Variants in IL1RAPL1 observed in about 807,000 individuals in gnomAD.
IL1RAPL1 encodes interleukin-1 receptor accessory protein-like 1.
In IL1RAPL1, 3 loss-of-function variants were observed where a neutral mutation model predicts 48.4. The observed-to-expected ratio is 0.06, with a 90% confidence interval of 0.03 to 0.16. The LOEUF is 0.16. IL1RAPL1 is among the 10% of genes least tolerant of loss of function. The pLI, the probability that IL1RAPL1 is intolerant of heterozygous loss-of-function variation, is 1.00. For missense variants in IL1RAPL1, 349 were observed against 530.6 expected, an observed-to-expected ratio of 0.66 and a Z score of 3.36; for synonymous variants, 185 against 187.7, an observed-to-expected ratio of 0.99 and a Z score of 0.12.
chrX:29,090,916 A>G (rs1602052417), intron 2 of IL1RAPL1, among the ~76,000 whole-genome samples: 1 of 111,967 alleles, frequency 8.9e-6, no homozygotes, highest in African/African-American at 3.2e-5. Context: ...CAAACGATTT[A>G]TATAAAGATG....
At chrX:28,955,111 G>C (rs1221751760) in intron 2 of IL1RAPL1, among the ~76,000 whole-genome samples, 1 of 111,328 alleles carries the variant, frequency 9.0e-6, no homozygotes, top group Non-Finnish European at 1.9e-5. Flanking sequence ...TTGGGGCTCT[G>C]GGTGCACTGG....
intron 1 of IL1RAPL1, among the ~76,000 whole-genome samples, chrX:28,654,734 T>C (rs1934731196): frequency 8.9e-6 from 1 of 112,074 alleles, no homozygotes; most frequent in Non-Finnish European, 1.9e-5. Context: ...ATGTTTGCCA[T>C]ATTTAGATGT....
chrX:29,480,912 G>C (rs1935036105), intron 5 of IL1RAPL1, among the ~76,000 whole-genome samples: 1 of 111,105 alleles, frequency 9.0e-6, no homozygotes, highest in South Asian at 3.7e-4. Flanking sequence ...TCTTTTACTT[G>C]TTCTAGCAGC....
At chrX:29,933,026 T>G (rs1932972567) in intron 8 of IL1RAPL1, among the ~76,000 whole-genome samples, 1 of 111,989 alleles carries the variant, frequency 8.9e-6, no homozygotes, top group African/African-American at 3.2e-5. Flanking sequence ...ACAAACATTC[T>G]TAGTTCTGTA....
chrX:29,575,069 C>T (rs936983908), intron 5 of IL1RAPL1, among the ~76,000 whole-genome samples: 4 of 111,732 alleles, frequency 3.6e-5, no homozygotes, highest in African/African-American at 1.3e-4. Context: ...ATCTTTCCCT[C>T]AGCTTCCCAT....
At chrX:28,947,005 T>C (rs1381524723) in intron 2 of IL1RAPL1, among the ~76,000 whole-genome samples, 1 of 111,738 alleles carries the variant, frequency 8.9e-6, no homozygotes, top group Non-Finnish European at 1.9e-5. Flanking sequence ...TTTGACAAAT[T>C]TGTGTCTGCA....
chrX:29,872,817 T>C (rs753068312), intron 6 of IL1RAPL1, among the ~76,000 whole-genome samples: 1 of 112,582 alleles, frequency 8.9e-6, no homozygotes, highest in African/African-American at 3.2e-5. Flanking sequence ...CTCTGCTGGA[T>C]GTTAATATCA....
intron 6 of IL1RAPL1, among the ~76,000 whole-genome samples, chrX:29,839,868 T>C (rs1287585869): frequency 8.9e-6 from 1 of 112,047 alleles, no homozygotes; most frequent in African/African-American, 3.3e-5. Flanking sequence ...TTGCAGTGAG[T>C]TGTGATCACG....
chrX:28,925,058 C>G (rs370556048), intron 2 of IL1RAPL1, among the ~76,000 whole-genome samples: 41 of 110,796 alleles, frequency 3.7e-4, no homozygotes, highest in African/African-American at 1.1e-3. Context: ...TTAACACAAT[C>G]CATGTAAAGA....
At chrX:29,024,008 A>G (rs1316331515) in intron 2 of IL1RAPL1, among the ~76,000 whole-genome samples, 1 of 111,913 alleles carries the variant, frequency 8.9e-6, no homozygotes, top group East Asian at 2.8e-4. Flanking sequence ...ACAAATCACT[A>G]CTTATTGAGT....
At chrX:29,830,838 T>C (rs1930859757) in intron 6 of IL1RAPL1, among the ~76,000 whole-genome samples, 1 of 111,393 alleles carries the variant, frequency 9.0e-6, no homozygotes, top group East Asian at 2.8e-4. Flanking sequence ...GTACCTTGTG[T>C]CCATGTCTCT....
intron 2 of IL1RAPL1, among the ~76,000 whole-genome samples, chrX:28,957,418 A>C (rs1250121924): frequency 8.9e-6 from 1 of 111,928 alleles, no homozygotes; most frequent in Admixed American, 9.5e-5. Context: ...TATTTTAAGA[A>C]TTTTAATCAA....
rs749600836 is a variant in IL1RAPL1 at position 29,263,659 on chromosome X, A to T, written c.83-19279A>T. ...GTTTCACCTGAAGTAAGAAAGCATT[A>T]AGTCTTCTTATCACACCCAATCATC... On this transcript the variant is annotated intron_variant, in intron 2 of 10. Transcript: ENST00000378993. 2.7e-5 allele frequency among the ~76,000 whole-genome samples: 3 copies of T among 111,852 alleles called. No homozygotes were observed. In the South Asian group the frequency reaches 1.1e-3, roughly 42 times the overall value.
chrX:29,291,513 G>A (rs1322378526), intron 3 of IL1RAPL1, among the ~76,000 whole-genome samples: 2 of 111,034 alleles, frequency 1.8e-5, no homozygotes, highest in Non-Finnish European at 3.8e-5. Flanking sequence ...CCACCAACCT[G>A]TCATCTACAT....
chrX:29,260,917 T>C (rs892510267), intron 2 of IL1RAPL1, among the ~76,000 whole-genome samples: 8 of 107,198 alleles, frequency 7.5e-5, no homozygotes, highest in East Asian at 2.8e-4. Context: ...AGTAAATATA[T>C]ATATTATATA....
chrX:29,531,417 T>G (rs2147778424), intron 5 of IL1RAPL1, among the ~76,000 whole-genome samples: 1 of 111,808 alleles, frequency 8.9e-6, no homozygotes, highest in East Asian at 2.8e-4. Flanking sequence ...TTTGAAATAT[T>G]TATGAAATAA....
chrX:29,532,044 A>C (rs941692652), intron 5 of IL1RAPL1, among the ~76,000 whole-genome samples: 2 of 112,012 alleles, frequency 1.8e-5, no homozygotes, highest in Non-Finnish European at 1.9e-5. Flanking sequence ...GGGGGGGCGC[A>C]TAATTCAACC....
chrX:29,262,862 A>G (rs753515738), intron 2 of IL1RAPL1, among the ~76,000 whole-genome samples: 5 of 111,264 alleles, frequency 4.5e-5, no homozygotes, highest in Non-Finnish European at 9.4e-5. Context: ...ATAGGTAATC[A>G]GTGAGGAATA....
At chrX:29,044,584 C>T (rs771129064) in intron 2 of IL1RAPL1, among the ~76,000 whole-genome samples, 3 of 110,320 alleles carry the variant, frequency 2.7e-5, no homozygotes, top group East Asian at 5.7e-4. Flanking sequence ...CCAGCCAACC[C>T]GTGACATATA....
Sources: gnomAD v4.1 joint callset for allele counts (sites outside exome capture counted in the v4.1 genomes callset) on GRCh38, gnomAD v4.1.1 for gene constraint, MANE v1.5 for transcripts, NCBI Gene and HGNC (gene_info 2026-07-23, HGNC 2026-07-21) for gene names.